The following NBEA variants were observed in gnomAD, a reference collection of about 807,000 sequenced individuals.
NBEA encodes lysosomal-trafficking regulator 2.
In NBEA, 44 loss-of-function variants were observed where a neutral mutation model predicts 343.4. That is an observed-to-expected ratio of 0.13 (90% CI 0.10 to 0.16). The LOEUF (loss-of-function observed/expected upper bound fraction) is 0.16, where lower values mean the gene tolerates loss of function less well. Among genes scored for constraint, NBEA ranks in the 10% least tolerant of loss-of-function variants. The probability of loss-of-function intolerance (pLI) is 1.00; values close to 1 mark genes in which losing one functional copy is unlikely to be tolerated. For synonymous variants in NBEA, 1,175 were observed against 1,238.7 expected (o/e 0.95, Z 1.08); for missense variants, 2,555 against 3,631.3 (o/e 0.70, Z 7.62).
chr13:35,148,175 G>A (rs1184025459), intron 18 of NBEA, among the ~76,000 whole-genome samples: 1 of 152,198 alleles, frequency 6.6e-6, no homozygotes, highest in Non-Finnish European at 1.5e-5. Context: ...TCACAAAATA[G>A]TGATAGCATG....
At chr13:35,142,514 G>T in intron 18 of NBEA, 137 bp downstream of exon 18, 1 of 479,632 alleles carries the variant, frequency 2.1e-6, no homozygotes, top group South Asian at 4.5e-5. Flanking sequence ...GGTAAAAAAT[G>T]AATATATACC....
chr13:35,355,913 A>G (rs917724488), intron 38 of NBEA, among the ~76,000 whole-genome samples: 1 of 151,574 alleles, frequency 6.6e-6, no homozygotes, highest in Non-Finnish European at 1.5e-5. Flanking sequence ...TTCAACATCT[A>G]TTACTTTGAT....
chr13:35,431,700 T>C (rs919892670), intron 38 of NBEA, among the ~76,000 whole-genome samples: 1 of 152,204 alleles, frequency 6.6e-6, no homozygotes, highest in Admixed American at 6.5e-5. Flanking sequence ...TAATAATGGA[T>C]AAAATTGCAT....
At chr13:35,385,624 G>T (rs1180904094) in intron 38 of NBEA, among the ~76,000 whole-genome samples, 1 of 152,056 alleles carries the variant, frequency 6.6e-6, no homozygotes, top group African/African-American at 2.4e-5. Flanking sequence ...ACTTGCCTGG[G>T]CCCAGGAGTA....
chr13:35,427,407 C>T lies in NBEA; in HGVS notation c.6180-4862C>T, dbSNP rs987931813. Among the ~76,000 whole-genome samples the T allele has an allele frequency of 1.2e-4, 19 of 152,288 alleles. 1 individual carries two copies. Among genetic ancestry groups the T allele is most frequent in the South Asian group, 1.2e-3 (6 of 4,828 alleles). ...GTTTGCTAGAGGTCCACCCCAGACC[C>T]TGTTTGCCTGGGTATCAGCAGCGGT... On this transcript the variant is annotated intron_variant, in intron 38 of 58. Coordinates refer to ENST00000379939, the MANE Select transcript of NBEA (RefSeq NM_001385012.1).
chr13:35,147,556 G>T (rs1593507285), intron 18 of NBEA, among the ~76,000 whole-genome samples: 1 of 152,240 alleles, frequency 6.6e-6, no homozygotes, highest in Non-Finnish European at 1.5e-5. Context: ...AGGCGGACTA[G>T]TAGGAGTCTG....
At chr13:35,538,707 G>A (rs761031175) in intron 41 of NBEA, among the ~76,000 whole-genome samples, 1 of 152,190 alleles carries the variant, frequency 6.6e-6, no homozygotes, top group African/African-American at 2.4e-5. Context: ...ACATACCTGC[G>A]TTATGACTGT....
chr13:35,354,466 A>G (rs2040382179), intron 38 of NBEA, among the ~76,000 whole-genome samples: 1 of 152,186 alleles, frequency 6.6e-6, no homozygotes, highest in Non-Finnish European at 1.5e-5. Context: ...TCATGTGGTA[A>G]CATGTCAGAT....
chr13:35,048,533 AC>A, intron 4 of NBEA, 29 bp from the exon 5 acceptor site: 1 of 1,587,576 alleles, frequency 6.3e-7, no homozygotes. Flanking sequence ...TTTAACTGAT[AC>A]TTTCGTACCT....
chr13:35,104,844 A>C (rs1465075487), intron 11 of NBEA, among the ~76,000 whole-genome samples: 1 of 152,024 alleles, frequency 6.6e-6, no homozygotes, highest in East Asian at 1.9e-4. Context: ...CGTATTCAAT[A>C]GGATATTTTT....
At chr13:35,525,318 G>A (rs1487460277) in intron 41 of NBEA, among the ~76,000 whole-genome samples, 5 of 152,172 alleles carry the variant, frequency 3.3e-5, no homozygotes, top group African/African-American at 1.2e-4. Context: ...TTGGGAGGCC[G>A]AGGTGGGTGG....
At chr13:34,983,062 T>C (rs2060413139) in intron 1 of NBEA, among the ~76,000 whole-genome samples, 4 of 152,240 alleles carry the variant, frequency 2.6e-5, no homozygotes. Flanking sequence ...AGGGTACATG[T>C]GCACAACGTG....
At chr13:35,027,707 T>C (rs975322944) in intron 1 of NBEA, among the ~76,000 whole-genome samples, 11 of 151,992 alleles carry the variant, frequency 7.2e-5, no homozygotes, top group African/African-American at 2.4e-4. Flanking sequence ...ATTAATGTTA[T>C]CTTGAATGGA....
intron 17 of NBEA, among the ~76,000 whole-genome samples, chr13:35,131,257 C>A (rs1261078168): frequency 6.6e-6 from 1 of 152,030 alleles, no homozygotes. Context: ...TTCATACAAC[C>A]ATGATACCAA....
chr13:35,565,679 A>G (rs1409985410), intron 44 of NBEA, among the ~76,000 whole-genome samples: 1 of 152,204 alleles, frequency 6.6e-6, no homozygotes, highest in Admixed American at 6.5e-5. Flanking sequence ...TTTCTTTAAT[A>G]GCTATTCTCT....
intron 17 of NBEA, among the ~76,000 whole-genome samples, chr13:35,125,018 A>G (rs2067041879): frequency 1.3e-5 from 2 of 152,190 alleles, no homozygotes; most frequent in African/African-American, 4.8e-5. Context: ...AAGAAAGCAC[A>G]TTAAAAAATT....
Position 35,110,046 on chromosome 13 carries a change from TTTTTTA to T in NBEA, c.1833+605_1833+610del, listed in dbSNP as rs1285457661. On this transcript the variant is annotated intron_variant, in intron 12 of 58. Transcript: ENST00000379939. ...ATTTTGACAACTCTTTTTTTTTTTTTTTTTTAAATGTTTTTTTTTTTTATTATACTC... is the reference window on the plus strand; with the variant it reads ...ATTTTGACAACTCTTTTTTTTTTTTTAATGTTTTTTTTTTTTATTATACTC... 4.1e-5 allele frequency among the ~76,000 whole-genome samples: 5 copies of T among 121,234 alleles called. 1 individual carries two copies. Among genetic ancestry groups the T allele is most frequent in the African/African-American group, 6.3e-5 (2 of 31,816 alleles). The allele number at this position is 121,234 out of a possible 152,430, so 79.5% of individuals were successfully genotyped here.
intron 1 of NBEA, among the ~76,000 whole-genome samples, chr13:35,005,441 A>G (rs1298336215): frequency 6.6e-6 from 1 of 152,192 alleles, no homozygotes; most frequent in Non-Finnish European, 1.5e-5. Flanking sequence ...CATGAAGGTC[A>G]TGATGTCTGT....
chr13:34,944,496 C>A (rs1250798903), intron 1 of NBEA, among the ~76,000 whole-genome samples: 1 of 152,168 alleles, frequency 6.6e-6, no homozygotes, highest in Non-Finnish European at 1.5e-5. Flanking sequence ...CAAAACACCT[C>A]TTTTTACTTT....
Sources: allele counts gnomAD v4.1 joint callset (sites outside exome capture counted in the v4.1 genomes callset), GRCh38; gene constraint gnomAD v4.1.1; transcripts MANE v1.5; gene names NCBI Gene and HGNC (gene_info 2026-07-23, HGNC 2026-07-21).